The following CCDC171 variants were observed in gnomAD, a reference collection of about 807,000 sequenced individuals.
The protein encoded by CCDC171 is coiled-coil domain containing 171.
Under a neutral mutation model 168.2 loss-of-function variants are expected in CCDC171, and 177 were observed. The observed-to-expected ratio is 1.05, with a 90% confidence interval of 0.93 to 1.19. CCDC171 has a LOEUF of 1.19. Ranked by LOEUF, CCDC171 falls within the 50% of genes most tolerant of loss-of-function variation. The pLI is 0.00. For synonymous variants in CCDC171, 687 were observed against 540.8 expected, an observed-to-expected ratio of 1.27 and a Z score of -3.75; for missense variants, 1,991 against 1,539.0, an observed-to-expected ratio of 1.29 and a Z score of -4.91.
intron 7 of CCDC171, among the ~76,000 whole-genome samples, chr9:15,640,953 A>G (rs1254781368): frequency 6.6e-6 from 1 of 152,144 alleles, no homozygotes; most frequent in South Asian, 2.1e-4. Context: ...TAAGTGTTAT[A>G]TTTAAATATT....
intron 4 of CCDC171, among the ~76,000 whole-genome samples, chr9:15,585,603 T>G (rs978830121): frequency 6.6e-6 from 1 of 152,176 alleles, no homozygotes. Context: ...TGGATTTGAC[T>G]GGGAAAGAGT....
chr9:15,836,858 A>G (rs1021823516), intron 21 of CCDC171, among the ~76,000 whole-genome samples: 1 of 152,234 alleles, frequency 6.6e-6, no homozygotes, highest in African/African-American at 2.4e-5. Flanking sequence ...ACGGGAGAAT[A>G]TACTTTCCCC....
At chr9:15,767,726 A>G (rs1186858857) in intron 18 of CCDC171, among the ~76,000 whole-genome samples, 2 of 151,324 alleles carry the variant, frequency 1.3e-5, no homozygotes, top group African/African-American at 2.4e-5. Flanking sequence ...TTTGATGCCC[A>G]TGATATTACT....
At chr9:15,990,226 T>A (rs1832141961) in intron 3 of CCDC171, among the ~76,000 whole-genome samples, 1 of 152,026 alleles carries the variant, frequency 6.6e-6, no homozygotes. Context: ...TGACAGCAGA[T>A]CTCTTGGCAG....
chr9:15,698,106 T>C (rs2051359257), intron 11 of CCDC171, among the ~76,000 whole-genome samples: 1 of 152,196 alleles, frequency 6.6e-6, no homozygotes, highest in African/African-American at 2.4e-5. Flanking sequence ...TTATTTCTTC[T>C]AACTATATGT....
At chr9:15,649,432 A>G (rs1197620093) in intron 7 of CCDC171, among the ~76,000 whole-genome samples, 1 of 152,242 alleles carries the variant, frequency 6.6e-6, no homozygotes, top group African/African-American at 2.4e-5. Flanking sequence ...CCTGCACAGC[A>G]AAAGAAGCTA....
At chr9:16,095,869 C>CATATATATATATATATATATATAT in the CCDC171 span, among the ~76,000 whole-genome samples, 60 of 123,822 alleles carry the variant, frequency 4.8e-4, no homozygotes, top group South Asian at 8.6e-4. Flanking sequence ...CACATAGGCA[C>CATATATATATATATATATATATAT]ATATATATAT....
chr9:16,097,198 C>T, the CCDC171 span, among the ~76,000 whole-genome samples: 10,137 of 152,192 alleles, frequency 0.067, 1,044 homozygotes, highest in African/African-American at 0.23. Context: ...AAGGTAAAAC[C>T]ATACAAGCCA....
In CCDC171 at chr9:15,777,771, A is replaced by C; in HGVS notation, c.2843A>C (p.His948Pro). The C allele has an allele frequency of 6.2e-7, 1 of 1,613,944 alleles. No homozygotes were observed. The highest frequency in any genetic ancestry group is 8.5e-7 in the Non-Finnish European group (1 of 1,179,970). Residue 948 changes from histidine (H) to proline (P), a missense_variant, in exon 19 of 26, where the codon CAT (histidine) becomes CCT (proline). His to Pro is a moderately conservative substitution (Grantham distance 77). Transcript: ENST00000380701. ...SLVQRLAHGL[H>P]KVNTLALKYG... Reference sequence around the variant, plus strand: ...GTTCAGAGGCTGGCCCATGGACTTCATAAAGTAAACACACTGGCCCTGAAA... The same window carrying C: ...GTTCAGAGGCTGGCCCATGGACTTCCTAAAGTAAACACACTGGCCCTGAAA...
chr9:15,653,323 G>A (rs1230050798), intron 7 of CCDC171, among the ~76,000 whole-genome samples: 4 of 151,504 alleles, frequency 2.6e-5, no homozygotes, highest in African/African-American at 4.9e-5. Flanking sequence ...AATTTTTTTT[G>A]TAGAATTGGT....
At chr9:15,661,404 C>T (rs184427519) in intron 8 of CCDC171, among the ~76,000 whole-genome samples, 92 of 151,794 alleles carry the variant, frequency 6.1e-4, no homozygotes, top group Middle Eastern at 3.4e-3. Flanking sequence ...GTGATACATC[C>T]CTGGGAATAT....
chr9:16,032,466 C>T (rs1425015515), intron 6 of CCDC171, among the ~76,000 whole-genome samples: 1 of 152,180 alleles, frequency 6.6e-6, no homozygotes, highest in Non-Finnish European at 1.5e-5. Flanking sequence ...TCAGAGAGGG[C>T]AGCAGAGGGC....
chr9:16,099,558 G>T, the CCDC171 span, among the ~76,000 whole-genome samples: 2 of 152,144 alleles, frequency 1.3e-5, no homozygotes, highest in Non-Finnish European at 2.9e-5. Context: ...AATGCCATGA[G>T]CTTCCCTAGC....
chr9:15,930,715 A>G (rs948864844), intron 25 of CCDC171, among the ~76,000 whole-genome samples: 5 of 151,736 alleles, frequency 3.3e-5, no homozygotes, highest in Non-Finnish European at 7.4e-5. Flanking sequence ...GTTTTCAAAA[A>G]TGTGTTTCCT....
At chr9:15,855,975 C>T (rs144271875) in intron 23 of CCDC171, among the ~76,000 whole-genome samples, 36 of 151,978 alleles carry the variant, frequency 2.4e-4, no homozygotes, top group African/African-American at 8.2e-4. Flanking sequence ...TTAATACTGA[C>T]TTTTATATTT....
At chr9:15,566,253 CT>C (rs1362958182) in intron 2 of CCDC171, among the ~76,000 whole-genome samples, 1 of 151,576 alleles carries the variant, frequency 6.6e-6, no homozygotes, top group Non-Finnish European at 1.5e-5. Context: ...AATGCAAGTC[CT>C]TTATCAGATA....
intron 8 of CCDC171, among the ~76,000 whole-genome samples, chr9:15,662,424 A>G (rs2048386863): frequency 6.6e-6 from 1 of 152,080 alleles, no homozygotes; most frequent in African/African-American, 2.4e-5. Flanking sequence ...TGGTGAGTTT[A>G]TCTTTCTTAA....
At chr9:15,890,582 G>T (rs1820084378) in intron 24 of CCDC171, among the ~76,000 whole-genome samples, 1 of 150,634 alleles carries the variant, frequency 6.6e-6, no homozygotes, top group Non-Finnish European at 1.5e-5. Flanking sequence ...AATAAACTAT[G>T]GTCTTAGGAG....
At chr9:15,617,768 A>G (rs539595078) in intron 6 of CCDC171, among the ~76,000 whole-genome samples, 31 of 152,154 alleles carry the variant, frequency 2.0e-4, no homozygotes, top group Middle Eastern at 6.8e-3. Context: ...GGTCTGCTGC[A>G]GTTTGCTGGA....
Sources: allele counts gnomAD v4.1 joint callset (sites outside exome capture counted in the v4.1 genomes callset), GRCh38; gene constraint gnomAD v4.1.1; transcripts MANE v1.5; gene names NCBI Gene and HGNC (gene_info 2026-07-23, HGNC 2026-07-21).